The following MED12L variants were observed in gnomAD, a reference collection of about 807,000 sequenced individuals.
MED12L encodes mediator of RNA polymerase II transcription subunit 12-like protein.
In MED12L, 60 loss-of-function variants were observed where a neutral mutation model predicts 281.3. That is an observed-to-expected ratio of 0.21 (90% confidence interval 0.17 to 0.26). The LOEUF (loss-of-function observed/expected upper bound fraction) is 0.26. Ranked by LOEUF, MED12L falls within the 10% of genes least tolerant of loss-of-function variation. The probability of loss-of-function intolerance (pLI) is 1.00; values close to 1 mark genes in which losing one functional copy is unlikely to be tolerated. For missense variants in MED12L, 2,146 were observed against 2,680.9 expected (o/e 0.80, Z 4.41); for synonymous variants, 974 against 987.2 (o/e 0.99, Z 0.25).
chr3:151,295,297 G>T, intron 16 of MED12L: 1 of 763,274 alleles, frequency 1.3e-6, no homozygotes, highest in Non-Finnish European at 2.2e-6. Flanking sequence ...CCAACTTTTT[G>T]TTATTTCAGG....
At chr3:151,232,535 C>G (rs1376980423) in intron 16 of MED12L, among the ~76,000 whole-genome samples, 1 of 152,154 alleles carries the variant, frequency 6.6e-6, no homozygotes, top group Non-Finnish European at 1.5e-5. Flanking sequence ...ATGGAATCAA[C>G]TTAAATGTCC....
intron 44 of MED12L, among the ~76,000 whole-genome samples, chr3:151,431,323 A>T (rs1237955430): frequency 1.3e-5 from 2 of 152,150 alleles, no homozygotes; most frequent in Non-Finnish European, 2.9e-5. Context: ...GACATAAGGA[A>T]ACAGGTCATG....
rs1467852614 is a variant in MED12L at position 151,086,842 on chromosome 3, G to A, written c.-85G>A. ...GCGAGGAGGGGGAGAGAGGGAGTCT[G>A]TCTGCAAAGTGCTGCTCCCTGGTGC... On this transcript the variant is annotated 5_prime_UTR_variant, in exon 2 of 45. Transcript: ENST00000687756. 6.6e-6 allele frequency: 7 copies of A among 1,060,720 alleles called. No homozygotes were observed. The Admixed American group carries it at 1.5e-4, about 23-fold the overall frequency. The allele number at this position is 1,060,720 out of a possible 1,614,324, so 65.7% of individuals were successfully genotyped here.
chr3:151,270,195 T>TTGTGTGTGTGTGTG (rs1740633898), intron 16 of MED12L: 1 of 54,096 alleles, frequency 1.8e-5, no homozygotes, highest in African/African-American at 1.1e-4. Flanking sequence ...GAGCAAGCTG[T>TTGTGTGTGTGTGTG]CGTGTGTGTG....
intron 16 of MED12L, among the ~76,000 whole-genome samples, chr3:151,318,361 C>CTT (rs5853515): frequency 1.3e-4 from 19 of 144,964 alleles, no homozygotes; most frequent in African/African-American, 4.3e-4. Flanking sequence ...TTCTTTTCTT[C>CTT]TTTTTTTTTT....
intron 22 of MED12L, 147 bp downstream of exon 22, chr3:151,365,353 T>A (rs1755149336): frequency 4.8e-6 from 3 of 630,778 alleles, no homozygotes. Flanking sequence ...TTAATTTACC[T>A]CTGCACTATC....
chr3:151,385,582 G>A (rs4680400), intron 36 of MED12L, among the ~76,000 whole-genome samples: 44,254 of 151,848 alleles, frequency 0.29, 7,398 homozygotes, highest in Non-Finnish European at 0.38. Flanking sequence ...CATGTCTTTA[G>A]TTCCAGCTAC....
At chr3:151,353,407 G>A (rs1753489668) in intron 17 of MED12L, among the ~76,000 whole-genome samples, 2 of 152,142 alleles carry the variant, frequency 1.3e-5, no homozygotes, top group Non-Finnish European at 2.9e-5. Flanking sequence ...AATAGACATT[G>A]AAAAAATAAG....
At chr3:151,260,426 T>C (rs1251749558) in intron 16 of MED12L, among the ~76,000 whole-genome samples, 1 of 152,174 alleles carries the variant, frequency 6.6e-6, no homozygotes, top group East Asian at 1.9e-4. Flanking sequence ...AGTGGATCAC[T>C]GCAGCCTTAA....
rs368828456 is a variant in MED12L at position 151,263,095 on chromosome 3, C to T, written c.2250+69429C>T. Among the ~76,000 whole-genome samples, 19 of 152,104 alleles carry T rather than the reference C, an allele frequency of 1.2e-4. No homozygotes were observed. In the South Asian group the frequency reaches 1.9e-3, roughly 15 times the overall value. Reference sequence around the variant, plus strand: ...CCCATGTAGGAGTACATGGGGTTGACGAGTGAGGATTAGGACATGTCTGCA... The same window carrying T: ...CCCATGTAGGAGTACATGGGGTTGATGAGTGAGGATTAGGACATGTCTGCA... On this transcript the variant is annotated intron_variant, in intron 16 of 44. Transcript: ENST00000687756.
Position 151,391,126 on chromosome 3 carries a change from C to T in MED12L, c.5608+991C>T, listed in dbSNP as rs577987572. On this transcript the variant is annotated intron_variant, in intron 38 of 44. Transcript: ENST00000687756. ...CCCAGTTTTGGATGCTAGGATATTG[C>T]AGTGACTAAAGTGTGCAAAATACCT... Among the ~76,000 whole-genome samples, 3 of 152,290 alleles carry T rather than the reference C, an allele frequency of 2.0e-5. No homozygotes were observed. The East Asian group carries it at 5.8e-4, about 29-fold the overall frequency.
Position 151,342,311 on chromosome 3 carries a change from T to A in MED12L, c.2251-7748T>A, listed in dbSNP as rs569840854. ...CCTGGTGTCTCAAACTGCAGTGTCC[T>A]TCTGTTATCAGTGGGAATCATTTGT... On this transcript the variant is annotated intron_variant, in intron 16 of 44. Coordinates refer to ENST00000687756, the MANE Select transcript of MED12L (RefSeq NM_001393769.1). Among the ~76,000 whole-genome samples, 328 of 152,336 alleles carry A rather than the reference T, an allele frequency of 2.2e-3. 1 individual carries two copies. Among genetic ancestry groups the A allele is most frequent in the African/African-American group, 7.6e-3 (317 of 41,550 alleles).
At chr3:151,313,623 ATCACCGGG>A (rs1267410968) in intron 16 of MED12L, among the ~76,000 whole-genome samples, 1 of 152,092 alleles carries the variant, frequency 6.6e-6, no homozygotes, top group Non-Finnish European at 1.5e-5. Context: ...AGATGGGTGG[ATCACCGGG>A]TCAAGAGATT....
intron 16 of MED12L, among the ~76,000 whole-genome samples, chr3:151,348,505 G>C (rs1023923539): frequency 6.6e-6 from 1 of 151,636 alleles, no homozygotes; most frequent in Non-Finnish European, 1.5e-5. Context: ...AATATCTTTT[G>C]AAAATTTGGG....
rs1745679195 is a variant in MED12L at position 151,299,989 on chromosome 3, C to T, written c.2251-50070C>T. 10 of 990,762 alleles carry T rather than the reference C, an allele frequency of 1.0e-5. No homozygotes were observed. The Admixed American group carries it at 1.5e-4, about 15-fold the overall frequency. The allele number at this position is 990,762 out of a possible 1,614,324, so 61.4% of individuals were successfully genotyped here. ...GTTAGTTGGTTCTCTGACCATTAAA[C>T]TCCCCAAATTCCCAAACAGTGGAAA... On this transcript the variant is annotated intron_variant, in intron 16 of 44. Coordinates refer to ENST00000687756, the MANE Select transcript of MED12L (RefSeq NM_001393769.1).
intron 16 of MED12L, chr3:151,326,396 CA>C (rs1301156637): frequency 6.6e-6 from 1 of 152,372 alleles, no homozygotes; most frequent in Non-Finnish European, 1.5e-5. Context: ...AGAGTAGATA[CA>C]AAGGTCAGGA....
At chr3:151,305,877 A>G (rs973909273) in intron 16 of MED12L, among the ~76,000 whole-genome samples, 19 of 152,176 alleles carry the variant, frequency 1.2e-4, no homozygotes, top group African/African-American at 4.6e-4. Context: ...GAAATTTCAC[A>G]TAAGAATCCA....
chr3:151,192,435 A>G (rs1724109721), intron 14 of MED12L, 115 bp from the exon 15 acceptor site: 1 of 762,510 alleles, frequency 1.3e-6, no homozygotes. Context: ...GGAAGAAAAC[A>G]ATACGGGGAA....
rs567634987 is a variant in MED12L, at chr3:151,128,861, G to A, written c.556+877G>A. On this transcript the variant is annotated intron_variant, in intron 5 of 44. Coordinates refer to ENST00000687756, the MANE Select transcript of MED12L (RefSeq NM_001393769.1). ...ATACACTAAAATGTAAGGCCCATAA[G>A]GGCAGGAATGTTGGTCTTATTCTCA... Among the ~76,000 whole-genome samples, 8 of 152,330 alleles carry A rather than the reference G, an allele frequency of 5.3e-5. No homozygotes were observed. The South Asian group carries it at 1.7e-3, about 32-fold the overall frequency.
Sources: allele counts gnomAD v4.1 joint callset (sites outside exome capture counted in the v4.1 genomes callset), GRCh38; gene constraint gnomAD v4.1.1; transcripts MANE v1.5; gene names NCBI Gene and HGNC (gene_info 2026-07-23, HGNC 2026-07-21).